Variants in SLC11A1 observed in about 807,000 individuals in gnomAD.
SLC11A1 encodes the protein natural resistance-associated macrophage protein 1.
SLC11A1 carries 59 observed loss-of-function variants against 63.2 expected under a neutral mutation model. The ratio of observed to expected loss-of-function variants is 0.93; its 90% CI spans 0.76 to 1.16. SLC11A1 has a LOEUF of 1.16. SLC11A1 is among the 50% of genes most tolerant of loss of function. The probability of loss-of-function intolerance (pLI) is 0.00; values close to 1 mark genes in which losing one functional copy is unlikely to be tolerated. For missense variants in SLC11A1, 688 were observed against 730.7 expected (o/e 0.94, Z 0.67); for synonymous variants, 305 against 307.8 (o/e 0.99, Z 0.09).
rs1271009101 is a variant in SLC11A1 at position 218,384,294 on chromosome 2, A to G, written c.202A>G (p.Met68Val). The change falls in exon 3 of 15, where the codon ATG becomes GTG. Residue 68 changes from methionine (M) to valine (V), a missense_variant. Met to Val is a conservative substitution (Grantham distance 21, BLOSUM62 1). Coordinates refer to ENST00000233202, the MANE Select transcript of SLC11A1 (RefSeq NM_000578.4). This position sits in a 1 kb window ranked among gnomAD's most constrained non-coding sequence, Gnocchi z 4.0. ...LWAFTGPGFL[M>V]SIAFLDPGNI... ...GGCCTTCACGGGGCCTGGCTTCCTC[A>G]TGAGCATTGCTTTCCTGGACCCAGG... is the stretch of plus-strand genomic sequence containing the variant. 1.9e-6 allele frequency: 3 copies of G among 1,609,174 alleles called. No homozygotes were observed. Among genetic ancestry groups the G allele is most frequent in the Non-Finnish European group, 2.5e-6 (3 of 1,176,664 alleles).
chr2:218,386,806 C>T, intron 5 of SLC11A1, 65 bp downstream of exon 5: 2 of 1,174,322 alleles, frequency 1.7e-6, no homozygotes, highest in East Asian at 2.4e-5. Flanking sequence ...ACTTCCCCCC[C>T]TAACCAGTCC....
At chr2:218,389,766 A>G (rs1696321353) in intron 8 of SLC11A1, 104 bp from the exon 9 acceptor site, 1 of 1,226,828 alleles carries the variant, frequency 8.2e-7, no homozygotes, top group African/African-American at 1.5e-5. Context: ...CAGGGGACTT[A>G]AGAAGGTACT....
intron 3 of SLC11A1, 104 bp from the exon 4 acceptor site, chr2:218,385,043 C>A: frequency 6.7e-7 from 1 of 1,501,278 alleles, no homozygotes; most frequent in Non-Finnish European, 9.0e-7. Flanking sequence ...TCCATCTCTC[C>A]CACCCCCTCC....
chr2:218,391,998 C>G (rs756227163), intron 11 of SLC11A1: 6 of 280,238 alleles, frequency 2.1e-5, no homozygotes, highest in African/African-American at 1.4e-4. Context: ...CCTCGTGATC[C>G]GCCCGCCTTG....
At chr2:218,394,036 T>C in intron 12 of SLC11A1, 84 bp from the exon 13 acceptor site, 1 of 1,375,936 alleles carries the variant, frequency 7.3e-7, no homozygotes, top group Non-Finnish European at 1.0e-6. Context: ...ACACAGAGGG[T>C]GTCAAGCCAC....
chr2:218,386,763 A>G, intron 5 of SLC11A1, 22 bp downstream of exon 5: 1 of 1,571,536 alleles, frequency 6.4e-7, no homozygotes, highest in South Asian at 1.1e-5. Flanking sequence ...GTGTACCCCA[A>G]CTCTTCAGGC....
At position 218,391,378 on chromosome 2, in the gene SLC11A1, C is replaced by T. The variant is rs148796215; in HGVS notation, c.1047C>T (p.Gly349=). Residue 349 remains glycine, a splice_region_variant and synonymous_variant, in exon 11 of 15, where the codon GGC becomes GGT. Coordinates refer to ENST00000233202, the MANE Select transcript of SLC11A1 (RefSeq NM_000578.4). ...ATVAVDIYQG[G]VILGCLFGPA... ...TCCTACCACACTCGTCCCTGCAGGG[C>T]GTGATCCTGGGCTGCCTGTTCGGCC... The T allele has an allele frequency of 3.0e-5, 48 of 1,613,858 alleles. No individual in the cohort carries two copies. Among genetic ancestry groups the T allele is most frequent in the Non-Finnish European group, 3.7e-5 (44 of 1,179,934 alleles).
At chr2:218,394,287 C>A in intron 13 of SLC11A1, 94 bp downstream of exon 13, 3 of 1,294,548 alleles carry the variant, frequency 2.3e-6, no homozygotes, top group Non-Finnish European at 2.2e-6. Flanking sequence ...CCCATTATCC[C>A]AATGAAGCCA....
In SLC11A1 at chr2:218,389,884, C is replaced by T. The variant is rs1218183278; in HGVS notation, c.810C>T (p.Asp270=). ...GATCTTCGTAGTCTCGAGAGATAGA[C>T]CGGGCCCGCCGAGCAGACATCAGAG... The part of the protein sequence containing the change: ...HSALVKSREI[D]RARRADIREA... Residue 270 remains aspartate, a synonymous_variant, in exon 9 of 15, where the codon GAC becomes GAT. Coordinates refer to ENST00000233202, the MANE Select transcript of SLC11A1 (RefSeq NM_000578.4). The T allele has an allele frequency of 6.2e-7, 1 of 1,611,546 alleles. No homozygotes were observed. Among genetic ancestry groups the T allele is most frequent in the African/African-American group, 1.3e-5 (1 of 74,980 alleles).
chr2:218,383,422 A>G (rs986762407), intron 2 of SLC11A1: 1 of 243,238 alleles, frequency 4.1e-6, no homozygotes, highest in African/African-American at 2.3e-5. Context: ...CATAGGGAGA[A>G]GTGAAGGAGG....
chr2:218,391,311 G>GTGGGC, intron 10 of SLC11A1, 24 bp downstream of exon 10: 1 of 646,232 alleles, frequency 1.5e-6, no homozygotes, highest in Non-Finnish European at 2.8e-6. Context: ...GGTGGGGAGG[G>GTGGGC]CGTGACCCAG....
rs1282944818 is a variant in SLC11A1, at chr2:218,384,262, AG to A, written c.171del (p.Lys57AsnfsTer12). The A allele has an allele frequency of 6.2e-7, 1 of 1,601,882 alleles. No homozygotes were observed. The highest frequency in any genetic ancestry group is 1.1e-5 in the South Asian group (1 of 90,030). On this transcript the variant is annotated frameshift_variant, in exon 3 of 15. Transcript: ENST00000233202. LOFTEE classifies it high-confidence loss of function. This position sits in a 1 kb window ranked among gnomAD's most constrained non-coding sequence, Gnocchi z 4.0. ...CAACAGGGCACCTTCAGCCTGCGGA[AG>A]CTATGGGCCTTCACGGGGCCTGGCT... Reference protein sequence around the residue: ...DTKPGTFSLRKLWAFTGPGFL... With the variant: ...DTKPGTFSLRXLWAFTGPGFL...
intron 4 of SLC11A1, 45 bp from the exon 5 acceptor site, chr2:218,386,590 A>G (rs1361110518): frequency 1.4e-6 from 2 of 1,412,176 alleles, no homozygotes; most frequent in East Asian, 4.7e-5. Context: ...GACGACAGGC[A>G]AATAACCGGC....
Position 218,384,280 on chromosome 2 carries a change from G to C in SLC11A1, c.188G>C (p.Gly63Ala), listed in dbSNP as rs371892878. The change falls in exon 3 of 15, where the codon GGG becomes GCG. Residue 63 changes from glycine to alanine, a missense_variant. Gly to Ala is a moderately conservative substitution (Grantham distance 60). Transcript: ENST00000233202. This position sits in a 1 kb window ranked among gnomAD's most constrained non-coding sequence, Gnocchi z 4.0. ...CTGCGGAAGCTATGGGCCTTCACGG[G>C]GCCTGGCTTCCTCATGAGCATTGCT... ...FSLRKLWAFT[G>A]PGFLMSIAFL... is the part of the protein sequence containing the mutation. 6.2e-7 allele frequency: 1 copy of C among 1,607,996 alleles called. No homozygotes were observed.
At chr2:218,388,100 T>A (rs1214810416) in intron 8 of SLC11A1, 145 bp downstream of exon 8, 1 of 1,019,536 alleles carries the variant, frequency 9.8e-7, no homozygotes, top group Non-Finnish European at 1.4e-6. Flanking sequence ...CGGGGCGCCA[T>A]GGCTCACGCC....
chr2:218,389,784 G>A, intron 8 of SLC11A1, 86 bp from the exon 9 acceptor site: 1 of 1,418,662 alleles, frequency 7.0e-7, no homozygotes, highest in Admixed American at 2.2e-5. Context: ...ACTGGGCTTT[G>A]GGGAGAACAT....
intron 5 of SLC11A1, 192 bp downstream of exon 5, chr2:218,386,933 G>A: frequency 1.5e-6 from 1 of 649,762 alleles, no homozygotes; most frequent in South Asian, 1.8e-5. Flanking sequence ...CAGGACTTTG[G>A]GACTGCAGCC....
At chr2:218,385,061 G>C (rs1162772421) in intron 3 of SLC11A1, 86 bp from the exon 4 acceptor site, 32 of 1,575,028 alleles carry the variant, frequency 2.0e-5, no homozygotes, top group Non-Finnish European at 2.4e-5. Flanking sequence ...TCCCCGAGGA[G>C]TATGCTTGGT....
At chr2:218,391,734 T>C in intron 11 of SLC11A1, 1 of 454,310 alleles carries the variant, frequency 2.2e-6, no homozygotes, top group South Asian at 2.5e-5. Context: ...AAGCTTCTCC[T>C]GCTTCAGCCT....
Sources: allele counts gnomAD v4.1 joint callset, GRCh38; gene constraint gnomAD v4.1.1; non-coding constraint Gnocchi (gnomAD v3.1); transcripts MANE v1.5; gene names NCBI Gene and HGNC (gene_info 2026-07-23, HGNC 2026-07-21).